Variants in NXPH2 observed in about 807,000 individuals in gnomAD.
NXPH2 encodes neurexophilin-2.
A neutral mutation model predicts 19.8 loss-of-function variants in NXPH2; 5 were observed. The observed-to-expected ratio is 0.25, with a 90% CI of 0.13 to 0.53. The LOEUF (loss-of-function observed/expected upper bound fraction) is 0.53. Among genes scored for constraint, NXPH2 ranks in the 20% least tolerant of loss-of-function variants. NXPH2 has a pLI of 0.96. For synonymous variants in NXPH2, 154 were observed against 127.4 expected, an observed-to-expected ratio of 1.21 and a Z score of -1.41; for missense variants, 289 against 322.8, an observed-to-expected ratio of 0.90 and a Z score of 0.80.
intron 1 of NXPH2, among the ~76,000 whole-genome samples, chr2:138,765,587 A>C (rs1183923587): frequency 6.6e-6 from 1 of 152,226 alleles, no homozygotes; most frequent in East Asian, 1.9e-4. Context: ...AGAGTAACTC[A>C]CAGTTTACAT....
chr2:138,711,200 G>A (rs1254663350), intron 1 of NXPH2, among the ~76,000 whole-genome samples: 2 of 136,858 alleles, frequency 1.5e-5, no homozygotes, highest in Non-Finnish European at 3.0e-5. Flanking sequence ...GAGTGCAATG[G>A]CGCCATCTTG....
chr2:138,746,671 T>C (rs376157989), intron 1 of NXPH2, among the ~76,000 whole-genome samples: 65 of 152,276 alleles, frequency 4.3e-4, no homozygotes, highest in African/African-American at 1.6e-3. Context: ...AAAAGACTAC[T>C]GCTCTCTCTT....
chr2:138,671,762 G>C lies in NXPH2; in HGVS notation c.52-97C>G, dbSNP rs1573947932. ...GCGCAAGGGAAATTATTTCAACATTGTTTAGATTCTTGTTCGACAGCATTT... is the reference window on the plus strand; with the variant it reads ...GCGCAAGGGAAATTATTTCAACATTCTTTAGATTCTTGTTCGACAGCATTT... On this transcript the variant is annotated intron_variant, in intron 1 of 1. Transcript: ENST00000272641. 1.6e-5 allele frequency: 20 copies of C among 1,254,860 alleles called. No individual in the cohort carries two copies. In the South Asian group the frequency reaches 3.0e-4, roughly 19 times the overall value. 77.7% of individuals were successfully genotyped at this position (1,254,860 alleles called of 1,614,324 possible).
intron 1 of NXPH2, among the ~76,000 whole-genome samples, chr2:138,688,306 C>T (rs1680692449): frequency 6.6e-6 from 1 of 152,182 alleles, no homozygotes; most frequent in African/African-American, 2.4e-5. Flanking sequence ...GCCTCAGCCT[C>T]CTGAATAGCT....
chr2:138,765,238 G>T (rs139839226), intron 1 of NXPH2, among the ~76,000 whole-genome samples: 7 of 152,306 alleles, frequency 4.6e-5, no homozygotes, highest in African/African-American at 1.4e-4. Flanking sequence ...CACTGTGAAG[G>T]GTACAGAAGC....
intron 1 of NXPH2, among the ~76,000 whole-genome samples, chr2:138,708,100 T>C (rs1207107091): frequency 6.6e-6 from 1 of 152,222 alleles, no homozygotes; most frequent in East Asian, 1.9e-4. Flanking sequence ...GCTTGTCTTG[T>C]CCATAACTGC....
chr2:138,719,038 T>C (rs1681237198), intron 1 of NXPH2, among the ~76,000 whole-genome samples: 1 of 152,132 alleles, frequency 6.6e-6, no homozygotes, highest in African/African-American at 2.4e-5. Context: ...CAAAAACACT[T>C]GTTTATGTTT....
chr2:138,694,579 A>G (rs1227277511), intron 1 of NXPH2, among the ~76,000 whole-genome samples: 1 of 152,158 alleles, frequency 6.6e-6, no homozygotes, highest in African/African-American at 2.4e-5. Context: ...GGCTTCAGAG[A>G]CGTCATGGCC....
At chr2:138,768,698 G>A (rs887340995) in intron 1 of NXPH2, among the ~76,000 whole-genome samples, 3 of 152,186 alleles carry the variant, frequency 2.0e-5, no homozygotes, top group Non-Finnish European at 4.4e-5. Flanking sequence ...AAGTTAGTCA[G>A]AATCAGTTTC....
chr2:138,762,993 C>T (rs2104839980), intron 1 of NXPH2, among the ~76,000 whole-genome samples: 1 of 152,266 alleles, frequency 6.6e-6, no homozygotes, highest in South Asian at 2.1e-4. Flanking sequence ...TGCTTATAAG[C>T]AGGTGAAGTG....
chr2:138,688,871 G>C (rs1046785532), intron 1 of NXPH2, among the ~76,000 whole-genome samples: 8 of 152,086 alleles, frequency 5.3e-5, no homozygotes, highest in African/African-American at 1.9e-4. Context: ...TCCTATAGTA[G>C]CACCTGAACT....
intron 1 of NXPH2, among the ~76,000 whole-genome samples, chr2:138,733,806 T>C (rs993337289): frequency 6.6e-6 from 1 of 152,196 alleles, no homozygotes; most frequent in African/African-American, 2.4e-5. Context: ...AATACAATTA[T>C]TTCCTGAAGA....
intron 1 of NXPH2, among the ~76,000 whole-genome samples, chr2:138,694,866 G>A (rs1338989921): frequency 6.6e-6 from 1 of 152,150 alleles, no homozygotes; most frequent in South Asian, 2.1e-4. Context: ...TTATTTTGCA[G>A]GCTATTGCAA....
chr2:138,678,279 G>A (rs967405315), intron 1 of NXPH2, among the ~76,000 whole-genome samples: 5 of 152,190 alleles, frequency 3.3e-5, no homozygotes, highest in Non-Finnish European at 5.9e-5. Flanking sequence ...CAGAGGTAAA[G>A]TGCGGCTTTC....
intron 1 of NXPH2, among the ~76,000 whole-genome samples, chr2:138,775,952 T>G (rs144242287): frequency 8.5e-4 from 130 of 152,280 alleles, no homozygotes; most frequent in African/African-American, 3.0e-3. Context: ...CACTTGAGTG[T>G]GCAGCTATAA....
intron 1 of NXPH2, 64 bp downstream of exon 1, chr2:138,780,127 T>A (rs1043322603): frequency 2.8e-6 from 4 of 1,436,772 alleles, no homozygotes; most frequent in Non-Finnish European, 2.7e-6. Flanking sequence ...GTCAGCCGCC[T>A]GCGCGGTTTT....
intron 1 of NXPH2, among the ~76,000 whole-genome samples, chr2:138,673,297 G>A: frequency 6.6e-6 from 1 of 152,142 alleles, no homozygotes; most frequent in Non-Finnish European, 1.5e-5. Context: ...CAGGGAAAGA[G>A]GGATCATTAC....
At chr2:138,750,907 G>A (rs754683481) in intron 1 of NXPH2, among the ~76,000 whole-genome samples, 1 of 152,018 alleles carries the variant, frequency 6.6e-6, no homozygotes, top group Non-Finnish European at 1.5e-5. Flanking sequence ...TTGTTCGGAT[G>A]TTTCCATGTC....
chr2:138,715,611 C>T (rs1422802706), intron 1 of NXPH2, among the ~76,000 whole-genome samples: 1 of 152,122 alleles, frequency 6.6e-6, no homozygotes, highest in Non-Finnish European at 1.5e-5. Context: ...AGGTGGGTTT[C>T]CCAGGAGGGC....
Sources: allele counts gnomAD v4.1 joint callset (sites outside exome capture counted in the v4.1 genomes callset), GRCh38; gene constraint gnomAD v4.1.1; transcripts MANE v1.5; gene names NCBI Gene and HGNC (gene_info 2026-07-23, HGNC 2026-07-21).